FBLN1: variants seen among roughly 807,000 people sequenced by gnomAD.
FBLN1 encodes the protein fibulin-1.
FBLN1 carries 34 observed loss-of-function variants against 89.7 expected under a neutral mutation model. The ratio of observed to expected loss-of-function variants is 0.38; its 90% CI spans 0.29 to 0.50. FBLN1 has a LOEUF of 0.50. FBLN1 is among the 20% of genes least tolerant of loss of function. FBLN1 has a pLI of 0.92. For missense variants in FBLN1, 777 were observed against 988.1 expected (o/e 0.79, Z 2.86); for synonymous variants, 393 against 391.3 (o/e 1.00, Z -0.05).
intron 4 of FBLN1, among the ~76,000 whole-genome samples, chr22:45,529,538 C>G (rs577877419): frequency 3.9e-5 from 6 of 152,270 alleles, no homozygotes; most frequent in African/African-American, 7.2e-5. Flanking sequence ...GTTCCCTCCT[C>G]TCTCTGAGCT....
rs150936861 is a variant in FBLN1, at chr22:45,548,716, G to C, written c.1545G>C (p.Arg515Ser). The C allele has an allele frequency of 3.7e-6, 6 of 1,613,336 alleles. No homozygotes were observed. Among genetic ancestry groups the C allele is most frequent in the Non-Finnish European group, 5.1e-6 (6 of 1,180,020 alleles). The change falls in exon 13 of 17, where the codon AGG becomes AGC. Residue 515 changes from arginine to serine, a missense_variant. By Grantham distance (110) the Arg-to-Ser change is moderately radical. Coordinates refer to ENST00000327858, the MANE Select transcript of FBLN1 (RefSeq NM_006486.3). ...GCAGCTGCCCCTCGTCTGGCTACAGGCTGGCCCCCAATGGCCGCAACTGCC... is the reference window on the plus strand; with the variant it reads ...GCAGCTGCCCCTCGTCTGGCTACAGCCTGGCCCCCAATGGCCGCAACTGCC... The part of the protein sequence containing the change: ...FQCSCPSSGY[R>S]LAPNGRNCQD...
intron 16 of FBLN1, among the ~76,000 whole-genome samples, chr22:45,598,806 G>T (rs950787975): frequency 3.3e-5 from 5 of 152,252 alleles, no homozygotes; most frequent in Non-Finnish European, 5.9e-5. Context: ...AGCTGGAGCT[G>T]ATGCCTTGGC....
At chr22:45,519,953 T>C (rs866690505) in intron 2 of FBLN1, among the ~76,000 whole-genome samples, 1 of 152,194 alleles carries the variant, frequency 6.6e-6, no homozygotes, top group Non-Finnish European at 1.5e-5. Flanking sequence ...GTGGATCACC[T>C]GATGTCAGGA....
At position 45,583,497 on chromosome 22, in the gene FBLN1, G is replaced by A. The variant is rs1179537932; in HGVS notation, c.1972+6389G>A. Among the ~76,000 whole-genome samples, 2 of 152,212 alleles carry A rather than the reference G, an allele frequency of 1.3e-5. No individual in the cohort carries two copies. The highest frequency in any genetic ancestry group is 2.1e-4 in the South Asian group (1 of 4,830). ...GAAACGATGTATGTGAAAGCTCCCA[G>A]CAGTGCCTGGCACACAGTGGGTGCA... On this transcript the variant is annotated intron_variant, in intron 16 of 16. Coordinates refer to ENST00000327858, the MANE Select transcript of FBLN1 (RefSeq NM_006486.3). The surrounding 1 kb of genome is among the most constrained non-coding windows in gnomAD (Gnocchi z 4.5).
Position 45,575,569 on chromosome 22 carries a change from A to G in FBLN1, c.1840+916A>G, listed in dbSNP as rs1246926939. On this transcript the variant is annotated intron_variant, in intron 15 of 16. Transcript: ENST00000327858. The surrounding 1 kb of genome is among the most constrained non-coding windows in gnomAD (Gnocchi z 6.3). ...TGCATATAGAAACATCATCCTGTTG[A>G]TCCAGGGCCAGGTGAACTGGAGGGG... Among the ~76,000 whole-genome samples the G allele has an allele frequency of 6.6e-6, 1 of 152,166 alleles. No homozygotes were observed. Among genetic ancestry groups the G allele is most frequent in the Non-Finnish European group, 1.5e-5 (1 of 68,016 alleles).
At chr22:45,516,293 G>C (rs552942512) in intron 1 of FBLN1, among the ~76,000 whole-genome samples, 8 of 151,762 alleles carry the variant, frequency 5.3e-5, no homozygotes, top group African/African-American at 1.9e-4. Flanking sequence ...AAGGGTGAAG[G>C]GGGTAGGGGG....
chr22:45,591,343 G>A (rs553037924), intron 16 of FBLN1, among the ~76,000 whole-genome samples: 3 of 142,580 alleles, frequency 2.1e-5, no homozygotes, highest in African/African-American at 9.0e-5. Flanking sequence ...TAGTTCCCAC[G>A]CCACAGGTGA....
intron 8 of FBLN1, 52 bp from the exon 9 acceptor site, chr22:45,541,177 C>A: frequency 6.2e-7 from 1 of 1,613,280 alleles, no homozygotes; most frequent in Non-Finnish European, 8.5e-7. Context: ...TTTTTGGGTT[C>A]TGGGACACCC....
intron 16 of FBLN1, among the ~76,000 whole-genome samples, chr22:45,586,725 TG>T (rs2089089471): frequency 6.6e-6 from 1 of 151,518 alleles, no homozygotes; most frequent in Non-Finnish European, 1.5e-5. Context: ...AGGTGAAAGG[TG>T]GTGGGGGGTA....
chr22:45,526,818 A>G (rs576625184), intron 3 of FBLN1, among the ~76,000 whole-genome samples: 41 of 152,242 alleles, frequency 2.7e-4, no homozygotes, highest in African/African-American at 8.9e-4. Flanking sequence ...GCGTTTCATG[A>G]CTGCCCCCGC....
chr22:45,591,632 C>T (rs1222553670), intron 16 of FBLN1, among the ~76,000 whole-genome samples: 3 of 152,138 alleles, frequency 2.0e-5, no homozygotes, highest in African/African-American at 7.2e-5. Flanking sequence ...GCTTTTATGG[C>T]GTTTCTCAGC....
At chr22:45,560,911 C>T (rs768461490) in intron 14 of FBLN1, among the ~76,000 whole-genome samples, 3 of 152,068 alleles carry the variant, frequency 2.0e-5, no homozygotes, top group Non-Finnish European at 4.4e-5. Context: ...CACAGGAGGC[C>T]ATCACTGTTG....
intron 1 of FBLN1, among the ~76,000 whole-genome samples, chr22:45,515,953 A>G (rs767744178): frequency 4.6e-4 from 70 of 152,308 alleles, no homozygotes; most frequent in Middle Eastern, 3.4e-3. Flanking sequence ...ACATGCTGGC[A>G]TGGATGTCGG....
At chr22:45,565,375 C>T in intron 14 of FBLN1, 1 of 1,001,508 alleles carries the variant, frequency 1.0e-6, no homozygotes, top group South Asian at 1.6e-5. Flanking sequence ...GTACCCTGGC[C>T]CCACGGGGAG....
chr22:45,598,106 C>T (rs1213292621), intron 16 of FBLN1, among the ~76,000 whole-genome samples: 5 of 152,200 alleles, frequency 3.3e-5, no homozygotes, highest in Admixed American at 1.3e-4. Context: ...TGGAATCAGC[C>T]GTTTGTGGCA....
chr22:45,503,110 C>T (rs2087969258), intron 1 of FBLN1, 46 bp downstream of exon 1: 1 of 1,214,894 alleles, frequency 8.2e-7, no homozygotes, highest in East Asian at 3.3e-5. Flanking sequence ...GTCCCGACCC[C>T]CTCGGCCTCG....
intron 6 of FBLN1, 94 bp downstream of exon 6, chr22:45,533,258 C>T (rs1471238663): frequency 1.0e-5 from 12 of 1,169,494 alleles, no homozygotes; most frequent in Admixed American, 8.8e-5. Flanking sequence ...CCTTCTACAA[C>T]CCAGACCCCA....
chr22:45,541,745 G>A lies in FBLN1; in HGVS notation c.1066+373G>A, dbSNP rs149505555. Among the ~76,000 whole-genome samples, 331 of 152,340 alleles carry A rather than the reference G, an allele frequency of 2.2e-3. 1 individual carries two copies. Among genetic ancestry groups the A allele is most frequent in the Middle Eastern group, 3.4e-3 (1 of 294 alleles). On this transcript the variant is annotated intron_variant, in intron 9 of 16. Transcript: ENST00000327858. ...TGTGGGTCTGCCACTCCCCACACAA[G>A]CACTGTCCTTTCCTCTCTGTGTGGG...
rs1280476938 is a variant in FBLN1, at chr22:45,578,509, G to C, written c.1972+1401G>C. On this transcript the variant is annotated intron_variant, in intron 16 of 16. Transcript: ENST00000327858. This position sits in a 1 kb window ranked among gnomAD's most constrained non-coding sequence, Gnocchi z 4.6. ...TGTGAAACTTGCTGCTTGCCCTTGA[G>C]TCACTCCCCACTCTGGGCCTCAGTT... The C allele has an allele frequency of 6.6e-6, 1 of 152,074 alleles. No individual in the cohort carries two copies. The highest frequency in any genetic ancestry group is 1.5e-5 in the Non-Finnish European group (1 of 68,004). 9.4% of individuals were successfully genotyped at this position (152,074 alleles called of 1,614,324 possible). A position where few individuals can be genotyped will look rare whatever the true frequency, so the allele number is the denominator to read the frequency against.
Sources: gnomAD v4.1 joint callset for allele counts (sites outside exome capture counted in the v4.1 genomes callset) on GRCh38, gnomAD v4.1.1 for gene constraint, Gnocchi (gnomAD v3.1) non-coding constraint, MANE v1.5 for transcripts, NCBI Gene and HGNC (gene_info 2026-07-23, HGNC 2026-07-21) for gene names.